The following DAPK2 variants were observed in gnomAD, a reference collection of about 807,000 sequenced individuals.
The protein encoded by DAPK2 is death associated protein kinase 2.
A neutral mutation model predicts 44.1 loss-of-function variants in DAPK2; 35 were observed. The ratio of observed to expected loss-of-function variants is 0.79; its 90% CI spans 0.61 to 1.05. The LOEUF is 1.05. Among genes scored for constraint, DAPK2 ranks in the 50% least tolerant of loss-of-function variants. The probability of loss-of-function intolerance (pLI) is 0.00; values close to 1 mark genes in which losing one functional copy is unlikely to be tolerated. For synonymous variants in DAPK2, 174 were observed against 182.6 expected (o/e 0.95, Z 0.38); for missense variants, 453 against 483.2 (o/e 0.94, Z 0.59).
intron 8 of DAPK2, chr15:63,922,433 T>C (rs2079100572): frequency 8.8e-7 from 1 of 1,131,298 alleles, no homozygotes. Context: ...TTCTCAAGCA[T>C]TTCCCCAGGG....
intron 1 of DAPK2, among the ~76,000 whole-genome samples, chr15:64,029,514 T>C (rs1392694108): frequency 3.3e-5 from 5 of 152,216 alleles, no homozygotes; most frequent in African/African-American, 1.2e-4. Context: ...GGTGATAGCT[T>C]CCTCCTCCGA....
intron 1 of DAPK2, 53 bp downstream of exon 2, chr15:64,040,117 A>C: frequency 1.4e-6 from 2 of 1,410,708 alleles, no homozygotes; most frequent in Non-Finnish European, 2.0e-6. Context: ...GTGCCAGAAG[A>C]AGCATGACTT....
At chr15:64,008,478 C>T (rs1183200158) in intron 1 of DAPK2, among the ~76,000 whole-genome samples, 1 of 152,090 alleles carries the variant, frequency 6.6e-6, no homozygotes, top group Admixed American at 6.5e-5. Context: ...GGGAATTTGG[C>T]CTCTAGAGAG....
chr15:63,939,428 G>A lies in DAPK2; in HGVS notation c.454-67C>T. On this transcript the variant is annotated intron_variant, in intron 3 of 10. Coordinates refer to ENST00000261891, the Ensembl canonical transcript of DAPK2. The surrounding 1 kb of genome is among the most constrained non-coding windows in gnomAD (Gnocchi z 4.3). ...AAGAAAAAAAAAGACGGTAATTAAA[G>A]GCTGGTTGGTTCGTGTTTTGGCTTT... 1 of 1,508,150 alleles carries A rather than the reference G, an allele frequency of 6.6e-7. No homozygotes were observed. Among genetic ancestry groups the A allele is most frequent in the South Asian group, 1.2e-5 (1 of 80,694 alleles). 93.4% of individuals were successfully genotyped at this position (1,508,150 alleles called of 1,614,324 possible).
intron 1 of DAPK2, among the ~76,000 whole-genome samples, chr15:64,000,536 G>A (rs1437280310): frequency 6.6e-6 from 1 of 152,208 alleles, no homozygotes; most frequent in Non-Finnish European, 1.5e-5. Context: ...ACTAACAGCT[G>A]GTTGGATCAG....
chr15:63,913,276 G>A (rs2078842913), intron 8 of DAPK2, among the ~76,000 whole-genome samples: 1 of 152,216 alleles, frequency 6.6e-6, no homozygotes, highest in Admixed American at 6.5e-5. Context: ...GAATTAGATA[G>A]TGATGTGGTT....
intron 3 of DAPK2, among the ~76,000 whole-genome samples, chr15:63,952,634 T>C (rs1228498704): frequency 8.0e-6 from 1 of 124,364 alleles, no homozygotes; most frequent in Non-Finnish European, 1.7e-5. Context: ...GCAAGAGCAT[T>C]CCATGATCTG....
intron 1 of DAPK2, among the ~76,000 whole-genome samples, chr15:63,996,646 T>C (rs1395594812): frequency 1.3e-5 from 2 of 152,122 alleles, no homozygotes; most frequent in African/African-American, 4.8e-5. Flanking sequence ...TGTGCTGCCA[T>C]CACTGCAGCG....
In DAPK2 at chr15:63,923,312, C is replaced by G. The variant is rs917136596; in HGVS notation, c.858+1504G>C. ...CTTCAGCTGGGTGGGCTCTGTCTTC[C>G]GCTGTTCAGGGGCTCTGCCTTCTCC... On this transcript the variant is annotated intron_variant, in intron 8 of 10. Coordinates refer to ENST00000261891, the Ensembl canonical transcript of DAPK2. The surrounding 1 kb of genome is among the most constrained non-coding windows in gnomAD (Gnocchi z 4.2). 1 of 1,535,822 alleles carries G rather than the reference C, an allele frequency of 6.5e-7. No individual in the cohort carries two copies. The highest frequency in any genetic ancestry group is 8.7e-7 in the Non-Finnish European group (1 of 1,146,698).
rs1287731418 is a variant in DAPK2, at chr15:63,952,189, G to A, written c.454-12828C>T. Among the ~76,000 whole-genome samples, 15 of 152,206 alleles carry A rather than the reference G, an allele frequency of 9.9e-5. No individual in the cohort carries two copies. In the East Asian group the frequency reaches 2.5e-3, roughly 25 times the overall value. On this transcript the variant is annotated intron_variant, in intron 3 of 10. Coordinates refer to ENST00000261891, the Ensembl canonical transcript of DAPK2. ...TGGGAGGCAGAGGTTGCAGTGAACCGAGATCCTGCCACTGCACTCCAGCCT... is the reference window on the plus strand; with the variant it reads ...TGGGAGGCAGAGGTTGCAGTGAACCAAGATCCTGCCACTGCACTCCAGCCT...
At chr15:63,992,219 A>G (rs1260090201) in intron 1 of DAPK2, among the ~76,000 whole-genome samples, 1 of 152,186 alleles carries the variant, frequency 6.6e-6, no homozygotes, top group African/African-American at 2.4e-5. Context: ...TGGCTACGTA[A>G]AGAAAGATTT....
chr15:64,006,168 C>T (rs574368580), intron 1 of DAPK2, among the ~76,000 whole-genome samples: 83 of 152,254 alleles, frequency 5.5e-4, no homozygotes, highest in Non-Finnish European at 1.0e-3. Context: ...CCAACCCACA[C>T]TGAGTGGTCT....
chr15:64,009,093 T>C (rs2079316753), intron 1 of DAPK2, among the ~76,000 whole-genome samples: 1 of 152,196 alleles, frequency 6.6e-6, no homozygotes, highest in African/African-American at 2.4e-5. Context: ...ACCTCCATCA[T>C]GGGATTCAGC....
intron 1 of DAPK2, among the ~76,000 whole-genome samples, chr15:63,992,061 A>G (rs2078836071): frequency 6.6e-6 from 1 of 152,088 alleles, no homozygotes; most frequent in Admixed American, 6.6e-5. Context: ...CTAAAGCACA[A>G]AAAGGAAGGA....
intron 3 of DAPK2, among the ~76,000 whole-genome samples, chr15:63,970,681 TC>T (rs1297334545): frequency 1.3e-5 from 2 of 152,180 alleles, no homozygotes; most frequent in Non-Finnish European, 2.9e-5. Context: ...TGAAGGGATC[TC>T]CCCAGCAAAC....
intron 4 of DAPK2, among the ~76,000 whole-genome samples, chr15:63,931,563 C>T (rs2079556321): frequency 1.3e-5 from 2 of 152,160 alleles, no homozygotes; most frequent in African/African-American, 4.8e-5. Context: ...GTACCTCCCA[C>T]CTGAGGAGCA....
At chr15:63,973,110 G>A (rs1023141028) in intron 2 of DAPK2, among the ~76,000 whole-genome samples, 6 of 152,236 alleles carry the variant, frequency 3.9e-5, no homozygotes, top group African/African-American at 1.4e-4. Flanking sequence ...ACTGCCCAGT[G>A]CTGCCTCACA....
At chr15:63,965,690 C>T (rs2078035484) in intron 3 of DAPK2, among the ~76,000 whole-genome samples, 1 of 152,204 alleles carries the variant, frequency 6.6e-6, no homozygotes, top group Admixed American at 6.5e-5. Context: ...CCACTCTTCC[C>T]TCCCCTTTCC....
chr15:63,985,311 G>A (rs1306639623), intron 1 of DAPK2, among the ~76,000 whole-genome samples: 1 of 152,266 alleles, frequency 6.6e-6, no homozygotes, highest in African/African-American at 2.4e-5. Flanking sequence ...GCTGACGCAG[G>A]TGGAGTGGAG....
Sources: allele counts gnomAD v4.1 joint callset (sites outside exome capture counted in the v4.1 genomes callset), GRCh38; gene constraint gnomAD v4.1.1; non-coding constraint Gnocchi (gnomAD v3.1); transcripts MANE v1.5; gene names NCBI Gene and HGNC (gene_info 2026-07-23, HGNC 2026-07-21).